Variants in MZF1 observed in about 807,000 individuals in gnomAD.
MZF1 encodes the protein zinc finger and SCAN domain-containing protein 6.
In MZF1, 24 loss-of-function variants were observed where a neutral mutation model predicts 28.6. The ratio of observed to expected loss-of-function variants is 0.84; its 90% CI spans 0.61 to 1.18. MZF1 has a LOEUF of 1.18. Ranked by LOEUF, MZF1 falls within the 50% of genes most tolerant of loss-of-function variation. The probability of loss-of-function intolerance (pLI) is 0.00; values close to 1 mark genes in which losing one functional copy is unlikely to be tolerated. For missense variants in MZF1, 1,166 were observed against 1,026.4 expected, an observed-to-expected ratio of 1.14 and a Z score of -1.86; for synonymous variants, 516 against 432.5, an observed-to-expected ratio of 1.19 and a Z score of -2.40.
intron 1 of MZF1, chr19:58,572,688 C>T: frequency 8.2e-7 from 1 of 1,223,630 alleles, no homozygotes; most frequent in African/African-American, 1.5e-5. Context: ...GCCAAGCCTC[C>T]ACTCTTCAAG....
Position 58,562,238 on chromosome 19 carries a change from G to T in MZF1, c.2039C>A (p.Pro680His). Residue 680 changes from proline (P) to histidine (H), a missense_variant, in exon 6 of 6, where the codon CCC becomes CAC. Pro to His is a moderately conservative substitution (Grantham distance 77). Coordinates refer to ENST00000215057, the MANE Select transcript of MZF1 (RefSeq NM_198055.2). ...QHRRIHTGER[P>H]YACPECGKAF... ...CTTGCCACACTCAGGGCATGCGTAG[G>T]GCCGTTCACCCGTGTGGATGCGCCG... The T allele has an allele frequency of 2.5e-6, 4 of 1,605,300 alleles. No homozygotes were observed. The highest frequency in any genetic ancestry group is 3.4e-6 in the Non-Finnish European group (4 of 1,177,228).
chr19:58,565,934 A>G (rs1446163313), intron 5 of MZF1, among the ~76,000 whole-genome samples: 1 of 146,030 alleles, frequency 6.8e-6, no homozygotes, highest in African/African-American at 2.5e-5. Context: ...AGGTCAGGAG[A>G]TCGAGACCAT....
intron 1 of MZF1, chr19:58,571,811 A>G (rs78351834): frequency 5.5e-6 from 1 of 182,712 alleles, no homozygotes; most frequent in African/African-American, 2.4e-5. Context: ...AGCTGAGACA[A>G]CAGGTGTGTG....
At position 58,569,603 on chromosome 19, in the gene MZF1, G is replaced by GT. The variant is rs1568684658; in HGVS notation, c.581-18dup. 3 of 1,582,466 alleles carry GT rather than the reference G, an allele frequency of 1.9e-6. No individual in the cohort carries two copies. Among genetic ancestry groups the GT allele is most frequent in the Non-Finnish European group, 2.6e-6 (3 of 1,161,354 alleles). ...CCAGGAAATCTAGAGAGGAAAACTG[G>GT]TATCAGGCAGCCTGAGTGAGTTTCC... On this transcript the variant is annotated splice_polypyrimidine_tract_variant and intron_variant, in intron 3 of 5. Coordinates refer to ENST00000215057, the MANE Select transcript of MZF1 (RefSeq NM_198055.2).
Position 58,563,270 on chromosome 19 carries a change from C to T in MZF1, c.1007G>A (p.Arg336His), listed in dbSNP as rs370089804. The T allele has an allele frequency of 2.6e-4, 423 of 1,606,886 alleles. No individual in the cohort carries two copies. The highest frequency in any genetic ancestry group is 3.3e-4 in the Non-Finnish European group (388 of 1,177,202). ...VGPALITTRWRSPRGRSRGRP... is the reference protein window; with the variant it reads ...VGPALITTRWHSPRGRSRGRP... ...GCCCCGGCTCCGGCCCCTGGGGGAGCGCCAGCGGGTGGTGATCAGAGCAGG... is the reference window on the plus strand; with the variant it reads ...GCCCCGGCTCCGGCCCCTGGGGGAGTGCCAGCGGGTGGTGATCAGAGCAGG... The change falls in exon 6 of 6, where the codon CGC (arginine) becomes CAC (histidine). Residue 336 changes from arginine (R) to histidine (H), a missense_variant. Transcript: ENST00000215057.
rs754779374 is a variant in MZF1, at chr19:58,563,171, CT to C, written c.1105del (p.Ser369AlafsTer4). ...DVCGKVFSQR[S>X]NLLRHQKIHT... is the part of the protein sequence containing the mutation. ...GATCTTCTGGTGCCTCAGCAGGTTG[CT>C]GCGTTGGCTGAACACCTTGCCACAT... On this transcript the variant is annotated frameshift_variant, in exon 6 of 6. Transcript: ENST00000215057. LOFTEE classifies it low-confidence loss of function (END_TRUNC). The C allele has an allele frequency of 2.4e-5, 39 of 1,609,840 alleles. No homozygotes were observed. The Admixed American group carries it at 3.8e-4, about 16-fold the overall frequency.
rs71190056 is a variant in MZF1, at chr19:58,564,902, G to GTTTTTTTTTTTTTTTTTTTT, written c.773-1418_773-1399dup. 4.8e-5 allele frequency among the ~76,000 whole-genome samples: 2 copies of GTTTTTTTTTTTTTTTTTTTT among 41,996 alleles called. 1 individual carries two copies. The highest frequency in any genetic ancestry group is 9.9e-5 in the Non-Finnish European group (2 of 20,266). The allele number at this position is 41,996 out of a possible 152,430, so 27.6% of individuals were successfully genotyped here. A position where few individuals can be genotyped will look rare whatever the true frequency, so the allele number is the denominator to read the frequency against. ...GTGGAGAATAAGCATCCATGTGTGT[G>GTTTTTTTTTTTTTTTTTTTT]TTTTTTTTTTTTTTTTTTTTTTTTT... On this transcript the variant is annotated intron_variant, in intron 5 of 5. Transcript: ENST00000215057.
In MZF1 at chr19:58,563,872, C is replaced by T. The variant is rs148612920; in HGVS notation, c.773-368G>A. The T allele has an allele frequency of 7.0e-3, 1,351 of 194,092 alleles. 9 individuals carry two copies. The highest frequency in any genetic ancestry group is 9.7e-3 in the Non-Finnish European group (921 of 95,088). The allele number at this position is 194,092 out of a possible 1,614,324, so 12.0% of individuals were successfully genotyped here. A position where few individuals can be genotyped will look rare whatever the true frequency, so the allele number is the denominator to read the frequency against. The stretch of plus-strand genomic sequence containing the variant: ...TCTCGGAGGCTGGAGGTGGAGCCAA[C>T]AGAAAGAGGGTGCAGGCTCCTGGAT... On this transcript the variant is annotated intron_variant, in intron 5 of 5. Coordinates refer to ENST00000215057, the MANE Select transcript of MZF1 (RefSeq NM_198055.2).
intron 5 of MZF1, among the ~76,000 whole-genome samples, chr19:58,567,908 A>AT (rs2054087914): frequency 6.6e-6 from 1 of 152,186 alleles, no homozygotes; most frequent in Admixed American, 6.5e-5. Context: ...AAAGATGAAC[A>AT]TTCAGAGAAT....
chr19:58,563,249 C>T lies in MZF1; in HGVS notation c.1028G>A (p.Arg343Gln). The change falls in exon 6 of 6, where the codon CGG becomes CAG. Residue 343 changes from arginine (R) to glutamine (Q), a missense_variant. By Grantham distance (43) the Arg-to-Gln change is conservative. Coordinates refer to ENST00000215057, the MANE Select transcript of MZF1 (RefSeq NM_198055.2). The stretch of plus-strand genomic sequence containing the variant: ...CCCGCCCCCAGTGCTGGGGCGGCCC[C>T]GGCTCCGGCCCCTGGGGGAGCGCCA... ...TRWRSPRGRS[R>Q]GRPSTGGGVV... The T allele has an allele frequency of 6.2e-7, 1 of 1,607,676 alleles. No homozygotes were observed. The highest frequency in any genetic ancestry group is 8.5e-7 in the Non-Finnish European group (1 of 1,177,512).
chr19:58,569,171 G>A (rs1271371223), intron 5 of MZF1, 106 bp downstream of exon 5: 2 of 1,389,916 alleles, frequency 1.4e-6, no homozygotes, highest in Admixed American at 2.3e-5. Context: ...GGGAACTTGG[G>A]GATGCTGGAG....
At chr19:58,563,541 T>G (rs2053980969) in intron 5 of MZF1, 37 bp from the exon 6 acceptor site, 1 of 1,463,180 alleles carries the variant, frequency 6.8e-7, no homozygotes, top group African/African-American at 1.4e-5. Flanking sequence ...CATGACAGAA[T>G]GCCCACCGTG....
chr19:58,571,415 G>A lies in MZF1; in HGVS notation c.-26C>T. ...AGAGGGTACCAGGTCAGGTATCTGAGGCCAGTGTCTGCCCCTGGTGAAGAA... is the reference window on the plus strand; with the variant it reads ...AGAGGGTACCAGGTCAGGTATCTGAAGCCAGTGTCTGCCCCTGGTGAAGAA... On this transcript the variant is annotated 5_prime_UTR_variant, in exon 2 of 6. Coordinates refer to ENST00000215057, the MANE Select transcript of MZF1 (RefSeq NM_198055.2). The A allele has an allele frequency of 6.2e-7, 1 of 1,611,990 alleles. No homozygotes were observed. The highest frequency in any genetic ancestry group is 8.5e-7 in the Non-Finnish European group (1 of 1,179,004).
intron 5 of MZF1, among the ~76,000 whole-genome samples, chr19:58,564,902 G>GGTTTTTTTTTT (rs1872485914): frequency 2.4e-5 from 1 of 41,954 alleles, no homozygotes; most frequent in African/African-American, 7.3e-5. Flanking sequence ...CCATGTGTGT[G>GGTTTTTTTTTT]TTTTTTTTTT....
At position 58,563,298 on chromosome 19, in the gene MZF1, C is replaced by A; in HGVS notation, c.979G>T (p.Gly327Cys). Residue 327 changes from glycine (G) to cysteine (C), a missense_variant, in exon 6 of 6, where the codon GGC becomes TGC. By Grantham distance (159) the Gly-to-Cys change is radical. Coordinates refer to ENST00000215057, the MANE Select transcript of MZF1 (RefSeq NM_198055.2). The stretch of plus-strand genomic sequence containing the variant: ...CAGCGGGTGGTGATCAGAGCAGGGC[C>A]CACACCCCGGCAGGGATCCTCGTCC... ...PTDEDPCRGVGPALITTRWRS... is the reference protein window; with the variant it reads ...PTDEDPCRGVCPALITTRWRS... 6.2e-7 allele frequency: 1 copy of A among 1,608,080 alleles called. No homozygotes were observed. The highest frequency in any genetic ancestry group is 8.5e-7 in the Non-Finnish European group (1 of 1,177,824).
In MZF1 at chr19:58,563,455, G is replaced by T. The variant is rs767052126; in HGVS notation, c.822C>A (p.Ser274Arg). 2 of 1,579,606 alleles carry T rather than the reference G, an allele frequency of 1.3e-6. No individual in the cohort carries two copies. The highest frequency in any genetic ancestry group is 2.3e-5 in the East Asian group (1 of 42,892). The change falls in exon 6 of 6, where the codon AGC becomes AGA. Residue 274 changes from serine to arginine, a missense_variant. Physicochemically the swap from Ser to Arg is moderately radical, Grantham distance 110. Coordinates refer to ENST00000215057, the MANE Select transcript of MZF1 (RefSeq NM_198055.2). ...GGTCCCAGGGGACGTGGAGGTGAGG[G>T]CTTACACTACCTGGACCTGCGGAGA... is the stretch of plus-strand genomic sequence containing the variant. ...GSISAGPGSV[S>R]PHLHVPWDLG...
At position 58,573,182 on chromosome 19, in the gene MZF1, C is replaced by G. The variant is rs533642275; in HGVS notation, c.-168G>C. On this transcript the variant is annotated 5_prime_UTR_variant, in exon 1 of 6. Transcript: ENST00000215057. ...AGCGCCTCCTTGCCCTTCCCCCACC[C>G]TCGTCCCCGTTTCTACACCCTCTCC... 1.3e-5 allele frequency: 2 copies of G among 153,978 alleles called. No homozygotes were observed. The highest frequency in any genetic ancestry group is 3.5e-4 in the South Asian group (2 of 5,770). 9.5% of individuals were successfully genotyped at this position (153,978 alleles called of 1,614,324 possible). A position where few individuals can be genotyped will look rare whatever the true frequency, so the allele number is the denominator to read the frequency against.
In MZF1 at chr19:58,571,006, T is replaced by C. The variant is rs1423599216; in HGVS notation, c.384A>G (p.Gly128=). The part of the protein sequence containing the change: ...LVDGLRREPG[G]PRRWVTVQVQ... ...GACACTCACTCACCCATCTCCGGGG[T>C]CCGCCCGGCTCCCGGCGCAGCCCAT... is the stretch of plus-strand genomic sequence containing the variant. Residue 128 remains glycine (G), a synonymous_variant, in exon 2 of 6, where the codon GGA becomes GGG. Transcript: ENST00000215057. 7 of 1,607,060 alleles carry C rather than the reference T, an allele frequency of 4.4e-6. No homozygotes were observed. Among genetic ancestry groups the C allele is most frequent in the Non-Finnish European group, 6.0e-6 (7 of 1,175,904 alleles).
chr19:58,562,604 T>C lies in MZF1; in HGVS notation c.1673A>G (p.Gln558Arg), dbSNP rs763797903. The C allele has an allele frequency of 3.8e-6, 6 of 1,579,832 alleles. No homozygotes were observed. Among genetic ancestry groups the C allele is most frequent in the South Asian group, 1.1e-5 (1 of 87,960 alleles). ...QSFRQRSNLT[Q>R]HRRIHTGERP... ...CTCCCCGGTGTGGATGCGCCGGTGCTGCGTCAGGTTGGAGCGCTGCCGGAA... is the reference window on the plus strand; with the variant it reads ...CTCCCCGGTGTGGATGCGCCGGTGCCGCGTCAGGTTGGAGCGCTGCCGGAA... Residue 558 changes from glutamine (Q) to arginine (R), a missense_variant, in exon 6 of 6, where the codon CAG becomes CGG. Coordinates refer to ENST00000215057, the MANE Select transcript of MZF1 (RefSeq NM_198055.2).
Sources: gnomAD v4.1 joint callset for allele counts (sites outside exome capture counted in the v4.1 genomes callset) on GRCh38, gnomAD v4.1.1 for gene constraint, MANE v1.5 for transcripts, NCBI Gene and HGNC (gene_info 2026-07-23, HGNC 2026-07-21) for gene names.